The following ATR variants were observed in gnomAD, a reference collection of about 807,000 sequenced individuals.
ATR encodes the protein serine/threonine-protein kinase ATR.
Under a neutral mutation model 305.3 loss-of-function variants are expected in ATR, and 142 were observed. That is an observed-to-expected ratio of 0.47 (90% CI 0.41 to 0.53). ATR has a LOEUF of 0.53. Among genes scored for constraint, ATR ranks in the 20% least tolerant of loss-of-function variants. The pLI is 0.00. For missense variants in ATR, 2,135 were observed against 3,133.1 expected, an observed-to-expected ratio of 0.68 and a Z score of 7.60; for synonymous variants, 1,050 against 1,068.1, an observed-to-expected ratio of 0.98 and a Z score of 0.33.
chr3:142,578,077 A>C (rs894643980), intron 1 of ATR, among the ~76,000 whole-genome samples: 18 of 152,232 alleles, frequency 1.2e-4, no homozygotes, highest in Admixed American at 5.2e-4. Context: ...TGGACGATCA[A>C]TACGAGGGAG....
Position 142,467,587 on chromosome 3 carries a change from A to G in ATR, c.6687+347T>C, listed in dbSNP as rs948417613. 7.9e-5 allele frequency among the ~76,000 whole-genome samples: 12 copies of G among 152,306 alleles called. 1 individual carries two copies. The South Asian group carries it at 2.3e-3, about 29-fold the overall frequency. On this transcript the variant is annotated intron_variant, in intron 39 of 46. Transcript: ENST00000350721. ...GTTTAAAGATATGATATAATCATAG[A>G]CTACCATAAGTAACTTAGAATATTT...
rs751275314 is a variant in ATR, at chr3:142,505,123, T to C, written c.5196+16A>G. ...GGGCTATTTTCATTACAGTTGCCTT[T>C]CAATTATTATCTTACCTGGTCTGGT... On this transcript the variant is annotated intron_variant, in intron 29 of 46. Transcript: ENST00000350721. The C allele has an allele frequency of 6.2e-7, 1 of 1,613,908 alleles. No homozygotes were observed. Among genetic ancestry groups the C allele is most frequent in the Non-Finnish European group, 8.5e-7 (1 of 1,179,828 alleles).
chr3:142,462,507 C>G (rs574031698), intron 41 of ATR, among the ~76,000 whole-genome samples: 2 of 149,816 alleles, frequency 1.3e-5, no homozygotes, highest in Non-Finnish European at 3.0e-5. Context: ...CTTGCTCTGT[C>G]GCCCAAGCTG....
In ATR at chr3:142,578,662, G is replaced by C; in HGVS notation, c.43C>G (p.Leu15Val). The stretch of plus-strand genomic sequence containing the variant: ...TAGCCCTACCTGCCCAGCTCCCGCA[G>C]GGCGGGGATCATGGAAGCCAGCTCC... ...GLELASMIPA[L>V]RELGSATPEE... Residue 15 changes from leucine (L) to valine (V), a missense_variant, in exon 1 of 47, where the codon CTG becomes GTG. Around this residue, in one of 9 missense-constraint regions of ATR, gnomAD observed 744 missense variants for 873.2 expected, o/e 0.85. Coordinates refer to ENST00000350721, the MANE Select transcript of ATR (RefSeq NM_001184.4). 1 of 1,613,238 alleles carries C rather than the reference G, an allele frequency of 6.2e-7. No homozygotes were observed.
At chr3:142,576,977 G>C (rs2035461465) in intron 1 of ATR, among the ~76,000 whole-genome samples, 1 of 152,172 alleles carries the variant, frequency 6.6e-6, no homozygotes, top group African/African-American at 2.4e-5. Flanking sequence ...TTGAAAGCTT[G>C]AATCTGAAAC....
At chr3:142,473,286 G>A (rs1379534705) in intron 36 of ATR, among the ~76,000 whole-genome samples, 1 of 152,108 alleles carries the variant, frequency 6.6e-6, no homozygotes, top group African/African-American at 2.4e-5. Flanking sequence ...TATGGTGTAA[G>A]GTAAGAGTGT....
intron 42 of ATR, among the ~76,000 whole-genome samples, chr3:142,460,053 C>T (rs1182915713): frequency 6.6e-6 from 1 of 151,924 alleles, no homozygotes; most frequent in Non-Finnish European, 1.5e-5. Context: ...ATATGTCATG[C>T]TCATAAATAA....
chr3:142,487,892 A>T (rs1192532171), intron 35 of ATR, among the ~76,000 whole-genome samples: 1 of 152,228 alleles, frequency 6.6e-6, no homozygotes, highest in Non-Finnish European at 1.5e-5. Flanking sequence ...TTGTTTTCCT[A>T]TAAGATACCC....
At chr3:142,484,991 G>A in intron 36 of ATR, 149 bp downstream of exon 36, 1 of 1,202,778 alleles carries the variant, frequency 8.3e-7, no homozygotes, top group East Asian at 2.5e-5. Flanking sequence ...GTTGCATAAA[G>A]GAAAAATTTA....
At chr3:142,569,482 A>C (rs1399226181) in intron 1 of ATR, among the ~76,000 whole-genome samples, 13 of 151,972 alleles carry the variant, frequency 8.6e-5, no homozygotes, top group Non-Finnish European at 8.8e-5. Flanking sequence ...CACCACACCC[A>C]GCTAATTTTT....
chr3:142,472,240 A>G (rs1445056139), intron 36 of ATR: 3 of 152,104 alleles, frequency 2.0e-5, no homozygotes, highest in South Asian at 4.1e-4. Context: ...GGGAGTGCAG[A>G]TATCTCTTCA....
In ATR at chr3:142,550,169, TTGGCA is replaced by T. The variant is rs1246744497; in HGVS notation, c.2934_2938del (p.Ala979ArgfsTer6). On this transcript the variant is annotated frameshift_variant, in exon 14 of 47. Transcript: ENST00000350721. LOFTEE classifies it high-confidence loss of function. ...ATTAAGATCAGGAAAGTCGAAAACG[TTGGCA>T]ATTTCAGACAACGTATTTAAAGCCA... 6.2e-7 allele frequency: 1 copy of T among 1,614,050 alleles called. No homozygotes were observed. The highest frequency in any genetic ancestry group is 8.5e-7 in the Non-Finnish European group (1 of 1,180,040).
rs2031397723 is a variant in ATR at position 142,493,241 on chromosome 3, G to A, written c.5969C>T (p.Pro1990Leu). 6.2e-7 allele frequency: 1 copy of A among 1,613,702 alleles called. No individual in the cohort carries two copies. Among genetic ancestry groups the A allele is most frequent in the Non-Finnish European group, 8.5e-7 (1 of 1,179,814 alleles). Residue 1990 changes from proline to leucine, a missense_variant, in exon 35 of 47, where the codon CCA becomes CTA. By Grantham distance (98) the Pro-to-Leu change is moderately conservative (BLOSUM62 -3). Transcript: ENST00000350721. ...GATTAACATGTTCTTACCCTCAGGTGGGGTTTCATTTTCAGGAAAACATAA... is the reference window on the plus strand; with the variant it reads ...GATTAACATGTTCTTACCCTCAGGTAGGGTTTCATTTTCAGGAAAACATAA... Reference protein sequence around the residue: ...VELCFPENETPPEGKNMLIHG... With the variant: ...VELCFPENETLPEGKNMLIHG...
chr3:142,575,838 A>G (rs1028191045), intron 1 of ATR, among the ~76,000 whole-genome samples: 1 of 152,232 alleles, frequency 6.6e-6, no homozygotes, highest in African/African-American at 2.4e-5. Context: ...AGTAAGCAAA[A>G]GAGGGATAAA....
At chr3:142,507,382 AAGG>A (rs143847045) in intron 28 of ATR, among the ~76,000 whole-genome samples, 6,076 of 152,212 alleles carry the variant, frequency 0.04, 399 homozygotes, top group African/African-American at 0.14. Flanking sequence ...CAACTCTCAC[AAGG>A]AGAAGAGTAA....
intron 35 of ATR, among the ~76,000 whole-genome samples, chr3:142,489,448 C>T (rs9848694): frequency 0.07 from 10,645 of 152,170 alleles, 1,170 homozygotes; most frequent in African/African-American, 0.24. Context: ...TTCTTATGGG[C>T]GCCCACCCTT....
In ATR at chr3:142,573,391, T is replaced by C. The variant is rs957039050; in HGVS notation, c.60-5237A>G. 4.7e-5 allele frequency among the ~76,000 whole-genome samples: 7 copies of C among 147,760 alleles called. No individual in the cohort carries two copies. In the East Asian group the frequency reaches 1.2e-3, roughly 25 times the overall value. Reference sequence around the variant, plus strand: ...AATCGCTGGGACATGGAGGTGGAGGTTGCAGTGAGCCAAGATCGCACCACT... The same window carrying C: ...AATCGCTGGGACATGGAGGTGGAGGCTGCAGTGAGCCAAGATCGCACCACT... On this transcript the variant is annotated intron_variant, in intron 1 of 46. Coordinates refer to ENST00000350721, the MANE Select transcript of ATR (RefSeq NM_001184.4).
At chr3:142,507,095 G>C (rs1469521862) in intron 28 of ATR, among the ~76,000 whole-genome samples, 1 of 152,192 alleles carries the variant, frequency 6.6e-6, no homozygotes, top group Non-Finnish European at 1.5e-5. Context: ...GCTGGACAAG[G>C]AGGAACACAA....
intron 1 of ATR, among the ~76,000 whole-genome samples, chr3:142,572,346 G>A (rs776531163): frequency 6.8e-6 from 1 of 148,142 alleles, no homozygotes; most frequent in Admixed American, 6.7e-5. Context: ...TGGGATTATC[G>A]GCGTGAGCCA....
Sources: allele counts gnomAD v4.1 joint callset (sites outside exome capture counted in the v4.1 genomes callset), GRCh38; gene constraint gnomAD v4.1.1; regional missense constraint gnomAD v4.1.1; transcripts MANE v1.5; gene names NCBI Gene and HGNC (gene_info 2026-07-23, HGNC 2026-07-21).